Variants in TAS2R1 observed in about 807,000 individuals in gnomAD.
TAS2R1 encodes the protein taste receptor type 2 member 1.
For missense variants in TAS2R1, 370 were observed against 353.4 expected (o/e 1.05, Z -0.38); for synonymous variants, 141 against 134.2 (o/e 1.05, Z -0.35).
intron 1 of TAS2R1, among the ~76,000 whole-genome samples, chr5:9,694,832 G>T (rs1741326134): frequency 6.6e-6 from 1 of 152,144 alleles, no homozygotes. Context: ...GCACAGAGTT[G>T]CCTCTTTCTG....
chr5:9,887,059 T>C, the TAS2R1 span, among the ~76,000 whole-genome samples: 2 of 152,180 alleles, frequency 1.3e-5, no homozygotes, highest in Admixed American at 6.5e-5. Flanking sequence ...AAATAATATG[T>C]GTAGTCACTT....
chr5:9,873,105 T>C, the TAS2R1 span, among the ~76,000 whole-genome samples: 1 of 152,222 alleles, frequency 6.6e-6, no homozygotes, highest in Admixed American at 6.5e-5. Context: ...TTAAAGAGGC[T>C]AAATAACATG....
the TAS2R1 span, among the ~76,000 whole-genome samples, chr5:9,780,416 C>T: frequency 6.6e-6 from 1 of 152,236 alleles, no homozygotes; most frequent in African/African-American, 2.4e-5. Context: ...CTTTGGCTAA[C>T]TGGTCATCAG....
At position 9,665,504 on chromosome 5, in the gene TAS2R1, C is replaced by G. The variant is rs1379224081; in HGVS notation, c.-241-5923G>C. Among the ~76,000 whole-genome samples the G allele has an allele frequency of 5.9e-5, 9 of 152,312 alleles. No homozygotes were observed. In the South Asian group the frequency reaches 1.7e-3, roughly 28 times the overall value. The stretch of plus-strand genomic sequence containing the variant: ...CACTCACAATCAGTAAGGGACAGAC[C>G]AGGGATTTAAACCCAAATTTGTTTT... On this transcript the variant is annotated intron_variant, in intron 1 of 2. Transcript: ENST00000506620.
chr5:9,772,960 GCGTT>G, the TAS2R1 span, among the ~76,000 whole-genome samples: 1 of 151,986 alleles, frequency 6.6e-6, no homozygotes, highest in African/African-American at 2.4e-5. Context: ...GCCACTCTTT[GCGTT>G]TTGATTAGAG....
the TAS2R1 span, among the ~76,000 whole-genome samples, chr5:9,778,754 T>C: frequency 3.3e-5 from 5 of 152,210 alleles, no homozygotes; most frequent in Non-Finnish European, 7.4e-5. Context: ...CAAAAGAAAG[T>C]TAGGGCCTTG....
At chr5:9,724,574 G>A in the TAS2R1 span, among the ~76,000 whole-genome samples, 1 of 152,094 alleles carries the variant, frequency 6.6e-6, no homozygotes, top group African/African-American at 2.4e-5. Context: ...ATAAGATAAA[G>A]CATTTTCCAG....
the TAS2R1 span, among the ~76,000 whole-genome samples, chr5:9,801,177 T>C: frequency 6.6e-6 from 1 of 152,120 alleles, no homozygotes; most frequent in African/African-American, 2.4e-5. Flanking sequence ...GGCGACAAAG[T>C]GAGAGAGAAA....
intron 1 of TAS2R1, among the ~76,000 whole-genome samples, chr5:9,701,411 C>G (rs543735829): frequency 6.6e-6 from 1 of 152,232 alleles, no homozygotes; most frequent in South Asian, 2.1e-4. Flanking sequence ...CTGCAGGGAG[C>G]AAACTGCCTT....
intron 1 of TAS2R1, among the ~76,000 whole-genome samples, chr5:9,683,262 A>G (rs191647807): frequency 1.3e-5 from 2 of 152,290 alleles, no homozygotes; most frequent in African/African-American, 4.8e-5. Flanking sequence ...AGAATGCCAT[A>G]TTCTATAAGT....
the TAS2R1 span, among the ~76,000 whole-genome samples, chr5:9,738,626 C>T: frequency 6.6e-6 from 1 of 152,160 alleles, no homozygotes; most frequent in Non-Finnish European, 1.5e-5. Context: ...CGTGGGTGAT[C>T]AACCTGCTGA....
At chr5:9,646,984 T>A (rs1354740485) in intron 2 of TAS2R1, among the ~76,000 whole-genome samples, 6 of 152,124 alleles carry the variant, frequency 3.9e-5, no homozygotes, top group Admixed American at 6.6e-5. Flanking sequence ...TCATAGCGTA[T>A]AAAATATTAT....
At chr5:9,874,235 CT>C in the TAS2R1 span, among the ~76,000 whole-genome samples, 2 of 152,122 alleles carry the variant, frequency 1.3e-5, no homozygotes, top group Non-Finnish European at 2.9e-5. Flanking sequence ...AACAACTTTT[CT>C]TTGGAAGAAC....
chr5:9,728,640 G>A, the TAS2R1 span, among the ~76,000 whole-genome samples: 84 of 152,348 alleles, frequency 5.5e-4, no homozygotes, highest in African/African-American at 1.9e-3. Context: ...GATGAGAGCT[G>A]CTGGGAAGTA....
At chr5:9,889,476 G>A in the TAS2R1 span, 5 of 152,244 alleles carry the variant, frequency 3.3e-5, no homozygotes, top group South Asian at 2.1e-4. Context: ...GTGATCCACT[G>A]GGAAAATACT....
the TAS2R1 span, among the ~76,000 whole-genome samples, chr5:9,805,099 A>G: frequency 6.6e-6 from 1 of 152,022 alleles, no homozygotes; most frequent in Non-Finnish European, 1.5e-5. Flanking sequence ...AAGATTATAC[A>G]AGGCTACTAT....
the TAS2R1 span, among the ~76,000 whole-genome samples, chr5:9,802,630 C>T: frequency 1.1e-4 from 16 of 152,286 alleles, no homozygotes; most frequent in Admixed American, 7.2e-4. Flanking sequence ...GGGCTGGGCA[C>T]GGTGGCTTAC....
chr5:9,633,342 C>T (rs1447825119), upstream of TAS2R1, among the ~76,000 whole-genome samples: 1 of 120,668 alleles, frequency 8.3e-6, no homozygotes, highest in African/African-American at 3.5e-5. Context: ...TTTATCCACT[C>T]ATTCATCGAT....
At chr5:9,700,966 G>A (rs150003459) in intron 1 of TAS2R1, among the ~76,000 whole-genome samples, 1 of 152,114 alleles carries the variant, frequency 6.6e-6, no homozygotes, top group Non-Finnish European at 1.5e-5. Flanking sequence ...TATCAATTGT[G>A]TGCAAGTGAA....
Sources: allele counts gnomAD v4.1 joint callset (sites outside exome capture counted in the v4.1 genomes callset), GRCh38; gene constraint gnomAD v4.1.1; transcripts MANE v1.5; gene names NCBI Gene and HGNC (gene_info 2026-07-23, HGNC 2026-07-21).